The following ZNF438 variants were observed in gnomAD, a reference collection of about 807,000 sequenced individuals.
ZNF438 encodes zinc finger protein 438.
In ZNF438, 25 loss-of-function variants were observed where a neutral mutation model predicts 38.0. That is an observed-to-expected ratio of 0.66 (90% CI 0.48 to 0.92). The LOEUF (loss-of-function observed/expected upper bound fraction) is 0.92. ZNF438 is among the 40% of genes least tolerant of loss of function. The probability of loss-of-function intolerance (pLI) is 0.00; values close to 1 mark genes in which losing one functional copy is unlikely to be tolerated. For missense variants in ZNF438, 1,007 were observed against 999.6 expected (o/e 1.01, Z -0.10); for synonymous variants, 372 against 364.1 (o/e 1.02, Z -0.25).
At chr10:30,934,142 T>C (rs1397838854) in intron 2 of ZNF438, among the ~76,000 whole-genome samples, 1 of 127,508 alleles carries the variant, frequency 7.8e-6, no homozygotes, top group South Asian at 2.5e-4. Flanking sequence ...TGAGACTCCA[T>C]CTCAAAAAAA....
chr10:30,954,726 G>A (rs373452861), intron 1 of ZNF438, among the ~76,000 whole-genome samples: 92 of 152,184 alleles, frequency 6.0e-4, no homozygotes, highest in African/African-American at 1.9e-3. Flanking sequence ...TTAATGGAGC[G>A]GGCTACAATT....
intron 1 of ZNF438, among the ~76,000 whole-genome samples, chr10:31,016,053 A>G (rs1431990401): frequency 6.6e-6 from 1 of 152,254 alleles, no homozygotes; most frequent in Non-Finnish European, 1.5e-5. Flanking sequence ...ACTAGTCCAC[A>G]GTGACCAATA....
chr10:30,971,031 C>T (rs2050685408), intron 1 of ZNF438, among the ~76,000 whole-genome samples: 1 of 152,152 alleles, frequency 6.6e-6, no homozygotes, highest in Admixed American at 6.5e-5. Context: ...AAAAGTGTAA[C>T]AGAACTGGCA....
chr10:30,850,598 T>C (rs913903058), intron 4 of ZNF438, among the ~76,000 whole-genome samples: 2 of 152,206 alleles, frequency 1.3e-5, no homozygotes, highest in African/African-American at 2.4e-5. Flanking sequence ...TTATGTTATT[T>C]ACCATTTTCC....
intron 3 of ZNF438, among the ~76,000 whole-genome samples, chr10:30,879,731 G>A (rs1344290811): frequency 3.3e-5 from 5 of 151,876 alleles, no homozygotes; most frequent in Non-Finnish European, 7.4e-5. Flanking sequence ...GAAAATATTA[G>A]CAAATCTGAA....
chr10:30,940,491 A>T (rs1012819805), intron 2 of ZNF438, among the ~76,000 whole-genome samples: 2 of 152,190 alleles, frequency 1.3e-5, no homozygotes, highest in African/African-American at 4.8e-5. Flanking sequence ...CATCACAGGC[A>T]GGAAAACCAG....
intron 1 of ZNF438, among the ~76,000 whole-genome samples, chr10:30,950,104 C>G (rs1480891681): frequency 1.7e-4 from 25 of 150,048 alleles, no homozygotes; most frequent in African/African-American, 5.6e-4. Flanking sequence ...TCACTCAAAA[C>G]CGCTCAACTA....
In ZNF438 at chr10:30,877,002, A is replaced by T. The variant is rs762001236; in HGVS notation, c.33T>A (p.Asp11Glu). Residue 11 changes from aspartate to glutamate, a missense_variant, in exon 4 of 6, where the codon GAT becomes GAA. By Grantham distance (45) the Asp-to-Glu change is conservative. Transcript: ENST00000413025. Reference sequence around the variant, plus strand: ...TTCCTCAGCAGTTTAACTTACCTTCATCTTTTGGTGGTACTGATACAGAAT... The same window carrying T: ...TTCCTCAGCAGTTTAACTTACCTTCTTCTTTTGGTGGTACTGATACAGAAT... 3 of 1,606,162 alleles carry T rather than the reference A, an allele frequency of 1.9e-6. No homozygotes were observed. The East Asian group carries it at 6.7e-5, about 36-fold the overall frequency.
intron 3 of ZNF438, among the ~76,000 whole-genome samples, chr10:30,882,535 C>G (rs2039404984): frequency 6.6e-6 from 1 of 152,196 alleles, no homozygotes; most frequent in Non-Finnish European, 1.5e-5. Flanking sequence ...TGTTGACCTA[C>G]ATCACAATAG....
At chr10:30,928,677 T>C (rs1480748632) in intron 2 of ZNF438, among the ~76,000 whole-genome samples, 10 of 152,224 alleles carry the variant, frequency 6.6e-5, no homozygotes, top group Non-Finnish European at 1.5e-4. Context: ...TTTTGCCTGC[T>C]GCTCTAAGAT....
At chr10:30,969,377 A>G (rs1213602982) in intron 1 of ZNF438, among the ~76,000 whole-genome samples, 5 of 152,194 alleles carry the variant, frequency 3.3e-5, no homozygotes, top group Admixed American at 2.6e-4. Flanking sequence ...AGTAAATGAG[A>G]TTAAACTGTA....
chr10:30,934,485 T>C (rs1564675415), intron 2 of ZNF438, among the ~76,000 whole-genome samples: 1 of 152,226 alleles, frequency 6.6e-6, no homozygotes. Flanking sequence ...TCTTACCTCT[T>C]GTATACATAT....
At chr10:31,032,341 C>G (rs572983644), upstream of ZNF438, among the ~76,000 whole-genome samples, 1 of 152,286 alleles carries the variant, frequency 6.6e-6, no homozygotes, top group African/African-American at 2.4e-5. Context: ...GTCCTCAGCC[C>G]TGAAAAGACA....
At chr10:30,868,300 A>C (rs1237058458) in intron 4 of ZNF438, among the ~76,000 whole-genome samples, 1 of 152,140 alleles carries the variant, frequency 6.6e-6, no homozygotes, top group African/African-American at 2.4e-5. Flanking sequence ...TGAACTCCTG[A>C]CCGCAGGTGA....
chr10:30,994,655 G>T (rs949121881), intron 1 of ZNF438, among the ~76,000 whole-genome samples: 7 of 152,090 alleles, frequency 4.6e-5, no homozygotes, highest in Admixed American at 1.3e-4. Context: ...ATTGGTATTG[G>T]TCTTTGGTAT....
Position 30,893,551 on chromosome 10 carries a change from T to C in ZNF438, c.-32+15382A>G, listed in dbSNP as rs1029351414. The stretch of plus-strand genomic sequence containing the variant: ...AAACATTGTTACATATTTGAAAAAG[T>C]AGCCTTTTAAAATGTTTTTCTTTTT... On this transcript the variant is annotated intron_variant, in intron 3 of 5. Coordinates refer to ENST00000413025, the Ensembl canonical transcript of ZNF438. Among the ~76,000 whole-genome samples the C allele has an allele frequency of 2.6e-5, 4 of 152,240 alleles. No homozygotes were observed. In the East Asian group the frequency reaches 7.7e-4, roughly 29 times the overall value.
chr10:30,906,269 ACTT>A (rs2042573468), intron 3 of ZNF438, among the ~76,000 whole-genome samples: 1 of 152,040 alleles, frequency 6.6e-6, no homozygotes, highest in South Asian at 2.1e-4. Context: ...CAAGTCTTGC[ACTT>A]CTTTTGCTTA....
chr10:30,852,242 C>A (rs772685879), intron 4 of ZNF438, among the ~76,000 whole-genome samples: 1 of 148,854 alleles, frequency 6.7e-6, no homozygotes, highest in East Asian at 2.0e-4. Flanking sequence ...CGGAGTTTTG[C>A]TCTTATTGCT....
intron 1 of ZNF438, among the ~76,000 whole-genome samples, chr10:31,007,150 C>G (rs2055214220): frequency 6.6e-6 from 1 of 152,132 alleles, no homozygotes; most frequent in Non-Finnish European, 1.5e-5. Flanking sequence ...GAAAATTGAC[C>G]TCCCCTAAGC....
Sources: gnomAD v4.1 joint callset for allele counts (sites outside exome capture counted in the v4.1 genomes callset) on GRCh38, gnomAD v4.1.1 for gene constraint, MANE v1.5 for transcripts, NCBI Gene and HGNC (gene_info 2026-07-23, HGNC 2026-07-21) for gene names.